Variants in IQSEC1 observed in about 807,000 individuals in gnomAD.
The protein encoded by IQSEC1 is IQ motif and Sec7 domain ArfGEF 1, also known as IQ motif and SEC7 domain-containing protein 1.
In IQSEC1, 31 loss-of-function variants were observed where a neutral mutation model predicts 91.0. That is an observed-to-expected ratio of 0.34 (90% CI 0.26 to 0.46). IQSEC1 has a LOEUF of 0.46. Ranked by LOEUF, IQSEC1 falls within the 20% of genes least tolerant of loss-of-function variation. The probability of loss-of-function intolerance (pLI) is 1.00; values close to 1 mark genes in which losing one functional copy is unlikely to be tolerated. For missense variants in IQSEC1, 1,388 were observed against 1,575.6 expected, an observed-to-expected ratio of 0.88 and a Z score of 2.02; for synonymous variants, 699 against 662.6, an observed-to-expected ratio of 1.05 and a Z score of -0.84.
rs2125186849 is a variant in IQSEC1 at position 12,922,330 on chromosome 3, T to C, written c.1731-88A>G. ...CCCCAGGTGGTGGTGCCTGAAGCCC[T>C]GGGAATGGACCGCCTCCTGGCAGGG... On this transcript the variant is annotated intron_variant, in intron 4 of 13. Coordinates refer to ENST00000613206, the MANE Select transcript of IQSEC1 (RefSeq NM_001134382.3). The surrounding 1 kb of genome is among the most constrained non-coding windows in gnomAD (Gnocchi z 5.1). 7.0e-7 allele frequency: 1 copy of C among 1,426,012 alleles called. No homozygotes were observed. The highest frequency in any genetic ancestry group is 9.3e-7 in the Non-Finnish European group (1 of 1,076,820). 88.3% of individuals were successfully genotyped at this position (1,426,012 alleles called of 1,614,324 possible).
rs1702016720 is a variant in IQSEC1 at position 12,992,100 on chromosome 3, C to G, written c.24-50235G>C. On this transcript the variant is annotated intron_variant, in intron 1 of 13. Coordinates refer to ENST00000613206, the MANE Select transcript of IQSEC1 (RefSeq NM_001134382.3). This position sits in a 1 kb window ranked among gnomAD's most constrained non-coding sequence, Gnocchi z 4.1. Reference sequence around the variant, plus strand: ...CTGAGGGGACACCGAGTCCTCCGAGCATTCCCCAGGAAGCAGCCCTCTCAG... The same window carrying G: ...CTGAGGGGACACCGAGTCCTCCGAGGATTCCCCAGGAAGCAGCCCTCTCAG... Among the ~76,000 whole-genome samples, 1 of 152,178 alleles carries G rather than the reference C, an allele frequency of 6.6e-6. No individual in the cohort carries two copies. The highest frequency in any genetic ancestry group is 1.5e-5 in the Non-Finnish European group (1 of 68,032).
At chr3:13,199,284 C>T (rs981214130) in intron 1 of IQSEC1, among the ~76,000 whole-genome samples, 7 of 152,206 alleles carry the variant, frequency 4.6e-5, no homozygotes, top group African/African-American at 1.7e-4. Context: ...TAGGAGCCAA[C>T]ACATTTGACG....
At chr3:12,945,689 T>A (rs1232535150) in intron 1 of IQSEC1, among the ~76,000 whole-genome samples, 1 of 152,212 alleles carries the variant, frequency 6.6e-6, no homozygotes, top group Non-Finnish European at 1.5e-5. Flanking sequence ...ATGAACCCAT[T>A]TGAGCCAGAG....
chr3:12,900,868 A>G lies in IQSEC1; in HGVS notation c.*115T>C. 1 of 1,532,838 alleles carries G rather than the reference A, an allele frequency of 6.5e-7. No individual in the cohort carries two copies. 95.0% of individuals were successfully genotyped at this position (1,532,838 alleles called of 1,614,324 possible). A position where few individuals can be genotyped will look rare whatever the true frequency, so the allele number is the denominator to read the frequency against. On this transcript the variant is annotated 3_prime_UTR_variant, in exon 14 of 14. Coordinates refer to ENST00000613206, the MANE Select transcript of IQSEC1 (RefSeq NM_001134382.3). ...GCTCCGGTTGGGCCGTGAGGGGCAG[A>G]GGGGAGAGATGGCAACAGAAGTGCC...
At chr3:13,055,274 G>A (rs769098998) in intron 1 of IQSEC1, among the ~76,000 whole-genome samples, 1 of 152,228 alleles carries the variant, frequency 6.6e-6, no homozygotes, top group African/African-American at 2.4e-5. Flanking sequence ...AGAGAGCCCA[G>A]GGTAGCGAGG....
At chr3:13,061,355 G>C (rs1396413777) in intron 1 of IQSEC1, among the ~76,000 whole-genome samples, 1 of 152,208 alleles carries the variant, frequency 6.6e-6, no homozygotes, top group African/African-American at 2.4e-5. Flanking sequence ...GTTTTCTCAT[G>C]TAACATACAA....
chr3:13,121,857 G>T (rs1706429580), intron 2 of IQSEC1, among the ~76,000 whole-genome samples: 1 of 152,226 alleles, frequency 6.6e-6, no homozygotes, highest in South Asian at 2.1e-4. Context: ...GGGAGCCAGG[G>T]GCACACCAGA....
At chr3:13,126,271 A>G (rs1030958585) in intron 2 of IQSEC1, among the ~76,000 whole-genome samples, 1 of 152,184 alleles carries the variant, frequency 6.6e-6, no homozygotes, top group Non-Finnish European at 1.5e-5. Context: ...AAACGGGATC[A>G]TATGGTGTGC....
At chr3:13,022,371 C>T (rs1390472103) in intron 1 of IQSEC1, 27 of 1,155,356 alleles carry the variant, frequency 2.3e-5, no homozygotes, top group Non-Finnish European at 2.9e-5. Context: ...ACCCTCCTGG[C>T]CAAGCGGCCC....
rs67939959 is a variant in IQSEC1, at chr3:13,159,796, A to G, written c.302+4308T>C. On this transcript the variant is annotated intron_variant, in intron 2 of 15. Coordinates refer to the IQSEC1 transcript ENST00000648114. The stretch of plus-strand genomic sequence containing the variant: ...AGGATTTGACGGAGTGCTGGGGGAA[A>G]AAAGATAATGCTTGCACCCTGCAGA... Among the ~76,000 whole-genome samples, 737 of 152,292 alleles carry G rather than the reference A, an allele frequency of 4.8e-3. 6 individuals carry two copies. Among genetic ancestry groups the G allele is most frequent in the African/African-American group, 0.016 (685 of 41,562 alleles).
At chr3:13,168,414 T>G (rs1281270667) in intron 1 of IQSEC1, among the ~76,000 whole-genome samples, 1 of 152,224 alleles carries the variant, frequency 6.6e-6, no homozygotes, top group East Asian at 1.9e-4. Flanking sequence ...TACATCAGTC[T>G]ATGCCCGTCT....
chr3:13,229,244 A>C (rs184948653), intron 1 of IQSEC1, among the ~76,000 whole-genome samples: 3 of 152,272 alleles, frequency 2.0e-5, no homozygotes, highest in Admixed American at 1.3e-4. Context: ...TGGTTTGTCA[A>C]GTTCTTAGTA....
chr3:13,074,532 C>T (rs1705530983), upstream of IQSEC1, among the ~76,000 whole-genome samples: 2 of 152,280 alleles, frequency 1.3e-5, no homozygotes. Context: ...CTTCCGTGCA[C>T]GGTAATCCTC....
chr3:12,933,908 C>T (rs1475570101), intron 3 of IQSEC1, among the ~76,000 whole-genome samples: 1 of 152,272 alleles, frequency 6.6e-6, no homozygotes, highest in Non-Finnish European at 1.5e-5. Flanking sequence ...CAGACCAAAG[C>T]TGGCTGGTTG....
At chr3:13,266,857 G>T (rs1348821525) in intron 1 of IQSEC1, among the ~76,000 whole-genome samples, 2 of 152,098 alleles carry the variant, frequency 1.3e-5, no homozygotes, top group African/African-American at 4.8e-5. Context: ...CCCCAAAACG[G>T]GGTGCTCCAG....
chr3:13,156,885 CT>C (rs1707094424), intron 2 of IQSEC1, among the ~76,000 whole-genome samples: 1 of 152,152 alleles, frequency 6.6e-6, no homozygotes, highest in African/African-American at 2.4e-5. Flanking sequence ...CACTAATGAG[CT>C]TGGAAGAATG....
intron 1 of IQSEC1, among the ~76,000 whole-genome samples, chr3:12,956,512 T>C (rs1415490880): frequency 6.6e-6 from 1 of 152,232 alleles, no homozygotes; most frequent in Admixed American, 6.5e-5. Flanking sequence ...CCCATGGTCA[T>C]CATAACCACC....
chr3:13,233,524 C>T (rs1237334356), intron 1 of IQSEC1, among the ~76,000 whole-genome samples: 3 of 152,206 alleles, frequency 2.0e-5, no homozygotes, highest in African/African-American at 7.2e-5. Context: ...GTCTATTCCA[C>T]CGTGTGGACA....
chr3:13,074,840 T>C (rs1705537555), upstream of IQSEC1, among the ~76,000 whole-genome samples: 1 of 152,210 alleles, frequency 6.6e-6, no homozygotes, highest in Admixed American at 6.5e-5. Context: ...ATCCTTGAGT[T>C]CCATTCCATC....
Sources: allele counts gnomAD v4.1 joint callset (sites outside exome capture counted in the v4.1 genomes callset), GRCh38; gene constraint gnomAD v4.1.1; non-coding constraint Gnocchi (gnomAD v3.1); transcripts MANE v1.5; gene names NCBI Gene and HGNC (gene_info 2026-07-23, HGNC 2026-07-21).